Variants in STAT4 observed in about 807,000 individuals in gnomAD.
STAT4 encodes the protein signal transducer and activator of transcription 4.
In STAT4, 42 loss-of-function variants were observed where a neutral mutation model predicts 110.5. That is an observed-to-expected ratio of 0.38 (90% confidence interval 0.30 to 0.49). The LOEUF (loss-of-function observed/expected upper bound fraction) is 0.49, where lower values mean the gene tolerates loss of function less well. Among genes scored for constraint, STAT4 ranks in the 20% least tolerant of loss-of-function variants. STAT4 has a pLI of 0.95. For missense variants in STAT4, 632 were observed against 887.9 expected (o/e 0.71, Z 3.66); for synonymous variants, 284 against 302.2 (o/e 0.94, Z 0.63).
In STAT4 at chr2:191,146,864, T is replaced by C; in HGVS notation, c.129-107A>G. On this transcript the variant is annotated intron_variant, in intron 2 of 23. Transcript: ENST00000392320. The surrounding 1 kb of genome is among the most constrained non-coding windows in gnomAD (Gnocchi z 4.5). ...TAAACCTATTACATGGTGATAAGCA[T>C]TTAAAAGTTTTAAAAAATTAAATTG... 3 of 1,044,706 alleles carry C rather than the reference T, an allele frequency of 2.9e-6. No homozygotes were observed. The highest frequency in any genetic ancestry group is 3.8e-6 in the Non-Finnish European group (3 of 791,426). 64.7% of individuals were successfully genotyped at this position (1,044,706 alleles called of 1,614,324 possible).
At position 191,039,320 on chromosome 2, in the gene STAT4, T is replaced by A. The variant is rs745898533; in HGVS notation, c.1336-23A>T. Reference sequence around the variant, plus strand: ...GGTCTGGTTTGGGGGGAAAAAAGCATAGTTATTACAGGTAGTCCCACCTTA... The same window carrying A: ...GGTCTGGTTTGGGGGGAAAAAAGCAAAGTTATTACAGGTAGTCCCACCTTA... On this transcript the variant is annotated intron_variant, in intron 15 of 23. Coordinates refer to ENST00000392320, the MANE Select transcript of STAT4 (RefSeq NM_003151.4). The surrounding 1 kb of genome is among the most constrained non-coding windows in gnomAD (Gnocchi z 4.7). 1.2e-6 allele frequency: 2 copies of A among 1,604,660 alleles called. No individual in the cohort carries two copies. The highest frequency in any genetic ancestry group is 4.5e-5 in the East Asian group (2 of 44,850).
intron 14 of STAT4, among the ~76,000 whole-genome samples, chr2:191,045,964 T>G (rs1696338503): frequency 6.6e-6 from 1 of 152,234 alleles, no homozygotes; most frequent in African/African-American, 2.4e-5. Flanking sequence ...TTGGTTGCGC[T>G]TGAGACGGAC....
At chr2:191,109,308 G>GT (rs138988001) in intron 3 of STAT4, among the ~76,000 whole-genome samples, 7,320 of 147,088 alleles carry the variant, frequency 0.05, 573 homozygotes, top group African/African-American at 0.17. Flanking sequence ...TTTGTTTTTT[G>GT]TTTTTTTTTT....
chr2:191,115,726 G>A (rs1698552685), intron 3 of STAT4, among the ~76,000 whole-genome samples: 1 of 152,158 alleles, frequency 6.6e-6, no homozygotes, highest in Non-Finnish European at 1.5e-5. Context: ...TTAAGTATCT[G>A]GGTGATTCAG....
chr2:191,105,766 A>G lies in STAT4; in HGVS notation c.274-29441T>C, dbSNP rs59382531. ...CAAAAACACAATGCTGAATAAATGCATGGTACTGAATTATCTGGCTTGGTC... is the reference window on the plus strand; with the variant it reads ...CAAAAACACAATGCTGAATAAATGCGTGGTACTGAATTATCTGGCTTGGTC... On this transcript the variant is annotated intron_variant, in intron 3 of 23. Transcript: ENST00000392320. Among the ~76,000 whole-genome samples, 169 of 152,346 alleles carry G rather than the reference A, an allele frequency of 1.1e-3. 4 individuals carry two copies. Among genetic ancestry groups the G allele is most frequent in the African/African-American group, 3.9e-3 (162 of 41,578 alleles).
Position 191,042,077 on chromosome 2 carries a change from G to A in STAT4, c.1252-929C>T, listed in dbSNP as rs1696216556. On this transcript the variant is annotated intron_variant, in intron 14 of 23. Transcript: ENST00000392320. This position sits in a 1 kb window ranked among gnomAD's most constrained non-coding sequence, Gnocchi z 4.2. ...GTATCTGGGAAGTTTGCCAGACCAA[G>A]GGAGGTAACATACAGCTACTGCCTT... 2.0e-5 allele frequency among the ~76,000 whole-genome samples: 3 copies of A among 152,144 alleles called. No homozygotes were observed. The highest frequency in any genetic ancestry group is 6.5e-5 in the Admixed American group (1 of 15,280).
Position 191,051,801 on chromosome 2 carries a change from C to T in STAT4, c.1251+2689G>A, listed in dbSNP as rs550732438. Among the ~76,000 whole-genome samples, 6 of 97,834 alleles carry T rather than the reference C, an allele frequency of 6.1e-5. No homozygotes were observed. Among genetic ancestry groups the T allele is most frequent in the East Asian group, 6.5e-4 (1 of 1,534 alleles). The allele number at this position is 97,834 out of a possible 152,430, so 64.2% of individuals were successfully genotyped here. A position where few individuals can be genotyped will look rare whatever the true frequency, so the allele number is the denominator to read the frequency against. On this transcript the variant is annotated intron_variant, in intron 14 of 23. Coordinates refer to ENST00000392320, the MANE Select transcript of STAT4 (RefSeq NM_003151.4). This position sits in a 1 kb window ranked among gnomAD's most constrained non-coding sequence, Gnocchi z 5.6. ...GCAGGGACACGGGATCAGACTGCCACGGTTTTATCTTGGCCCTGCCATCAA... is the reference window on the plus strand; with the variant it reads ...GCAGGGACACGGGATCAGACTGCCATGGTTTTATCTTGGCCCTGCCATCAA...
At chr2:191,132,506 AGTG>A (rs1386112068) in intron 3 of STAT4, among the ~76,000 whole-genome samples, 1 of 151,752 alleles carries the variant, frequency 6.6e-6, no homozygotes, top group Non-Finnish European at 1.5e-5. Flanking sequence ...TGGTGAAAGA[AGTG>A]GTGATGAGCA....
rs1405047205 is a variant in STAT4 at position 191,107,271 on chromosome 2, GT to G, written c.274-30947del. Among the ~76,000 whole-genome samples, 2 of 152,134 alleles carry G rather than the reference GT, an allele frequency of 1.3e-5. No homozygotes were observed. The highest frequency in any genetic ancestry group is 3.8e-4 in the East Asian group (2 of 5,198). On this transcript the variant is annotated intron_variant, in intron 3 of 23. Transcript: ENST00000392320. This position sits in a 1 kb window ranked among gnomAD's most constrained non-coding sequence, Gnocchi z 4.2. ...TGACCTCAATATGTACTTGAAGCAT[GT>G]TTACTGACTGAAATCCAGAGTCCAT...
At chr2:191,071,038 T>G (rs952354166) in intron 5 of STAT4, among the ~76,000 whole-genome samples, 3 of 152,140 alleles carry the variant, frequency 2.0e-5, no homozygotes, top group Non-Finnish European at 2.9e-5. Flanking sequence ...CTTATAAACC[T>G]TAGAAAAGAA....
chr2:191,067,003 AC>A (rs1414436430), intron 6 of STAT4, among the ~76,000 whole-genome samples: 2 of 150,980 alleles, frequency 1.3e-5, no homozygotes, highest in Non-Finnish European at 2.9e-5. Flanking sequence ...AGTCTTATCT[AC>A]CTAGTCTCAT....
chr2:191,132,719 T>C (rs945084018), intron 3 of STAT4, among the ~76,000 whole-genome samples: 8 of 151,484 alleles, frequency 5.3e-5, no homozygotes, highest in Non-Finnish European at 1.0e-4. Context: ...AAGTGAAATA[T>C]GTGGTTTCTG....
chr2:191,103,386 T>C (rs998185726), intron 3 of STAT4, among the ~76,000 whole-genome samples: 1 of 152,148 alleles, frequency 6.6e-6, no homozygotes, highest in Non-Finnish European at 1.5e-5. Flanking sequence ...CTGTGTGTGT[T>C]TGCCTTTTTG....
chr2:191,054,609 C>A, intron 13 of STAT4, 75 bp from the exon 14 acceptor site: 2 of 1,353,324 alleles, frequency 1.5e-6, no homozygotes, highest in Non-Finnish European at 1.0e-6. Context: ...GTACCTGTTG[C>A]GGTCATTTTC....
rs551374654 is a variant in STAT4 at position 191,120,062 on chromosome 2, C to T, written c.273+26551G>A. ...TAAAAGGCATCCAATGGATCATAGT[C>T]CTAAATGTAAAAGACTAAAACACTA... On this transcript the variant is annotated intron_variant, in intron 3 of 23. Coordinates refer to ENST00000392320, the MANE Select transcript of STAT4 (RefSeq NM_003151.4). 2.0e-5 allele frequency among the ~76,000 whole-genome samples: 3 copies of T among 152,094 alleles called. No individual in the cohort carries two copies. In the East Asian group the frequency reaches 5.8e-4, roughly 29 times the overall value.
chr2:191,133,707 C>T (rs1273278172), intron 3 of STAT4, among the ~76,000 whole-genome samples: 2 of 151,290 alleles, frequency 1.3e-5, no homozygotes, highest in East Asian at 3.9e-4. Context: ...GGGAGAAAGA[C>T]AAAAAGGAAG....
chr2:191,073,168 T>C lies in STAT4; in HGVS notation c.395A>G (p.Gln132Arg), dbSNP rs1286913686. The change falls in exon 5 of 24, where the codon CAA (glutamine) becomes CGA (arginine). Residue 132 changes from glutamine (Q) to arginine (R), a missense_variant. Physicochemically the swap from Gln to Arg is conservative, Grantham distance 43. This residue lies in a region of STAT4 where 488 missense variants were observed against 632.8 expected (regional missense o/e 0.77). Coordinates refer to ENST00000392320, the MANE Select transcript of STAT4 (RefSeq NM_003151.4). ...CTGTCTTTCTGAAACTGAAGAACTT[T>C]GTAAGGATTTCTCTAGAGGCCCCTG... ...PVQGPLEKSL[Q>R]SSSVSERQRN... is the part of the protein sequence containing the mutation. The C allele has an allele frequency of 6.2e-7, 1 of 1,613,982 alleles. No individual in the cohort carries two copies. Among genetic ancestry groups the C allele is most frequent in the African/African-American group, 1.3e-5 (1 of 75,016 alleles).
In STAT4 at chr2:191,061,865, A is replaced by C; in HGVS notation, c.942-44T>G. On this transcript the variant is annotated intron_variant, in intron 9 of 23. Coordinates refer to ENST00000392320, the MANE Select transcript of STAT4 (RefSeq NM_003151.4). The surrounding 1 kb of genome is among the most constrained non-coding windows in gnomAD (Gnocchi z 6.2). ...AAGCGCATCATTTGAAAACACTGAA[A>C]ATATTGAGACTGAAAACCACAGAGG... 2 of 1,571,922 alleles carry C rather than the reference A, an allele frequency of 1.3e-6. No homozygotes were observed.
Position 191,135,479 on chromosome 2 carries a change from T to C in STAT4, c.273+11134A>G, listed in dbSNP as rs1308209973. ...TTGTTGTTGTTGTTGTTATTGTTTTTGTTTGTTTGTTTGAGATGGAGTCTC... is the reference window on the plus strand; with the variant it reads ...TTGTTGTTGTTGTTGTTATTGTTTTCGTTTGTTTGTTTGAGATGGAGTCTC... On this transcript the variant is annotated intron_variant, in intron 3 of 23. Coordinates refer to ENST00000392320, the MANE Select transcript of STAT4 (RefSeq NM_003151.4). The surrounding 1 kb of genome is among the most constrained non-coding windows in gnomAD (Gnocchi z 4.8). Among the ~76,000 whole-genome samples the C allele has an allele frequency of 6.6e-6, 1 of 152,188 alleles. No homozygotes were observed. Among genetic ancestry groups the C allele is most frequent in the Admixed American group, 6.5e-5 (1 of 15,286 alleles).
Sources: gnomAD v4.1 joint callset for allele counts (sites outside exome capture counted in the v4.1 genomes callset) on GRCh38, gnomAD v4.1.1 for gene constraint, gnomAD v4.1.1 regional missense constraint, Gnocchi (gnomAD v3.1) non-coding constraint, MANE v1.5 for transcripts, NCBI Gene and HGNC (gene_info 2026-07-23, HGNC 2026-07-21) for gene names.